PCDHGA5: variants seen among roughly 807,000 people sequenced by gnomAD.
The protein encoded by PCDHGA5 is protocadherin gamma-A5.
A neutral mutation model predicts 56.7 loss-of-function variants in PCDHGA5; 36 were observed. The ratio of observed to expected loss-of-function variants is 0.64; its 90% CI spans 0.49 to 0.84. PCDHGA5 has a LOEUF of 0.84. Among genes scored for constraint, PCDHGA5 ranks in the 40% least tolerant of loss-of-function variants. PCDHGA5 has a pLI of 0.00. For missense variants in PCDHGA5, 1,305 were observed against 1,201.5 expected (o/e 1.09, Z -1.27); for synonymous variants, 563 against 520.2 (o/e 1.08, Z -1.12).
intron 1 of PCDHGA5, chr5:141,372,748 C>A: frequency 1.1e-5 from 17 of 1,613,132 alleles, no homozygotes; most frequent in Non-Finnish European, 1.4e-5. Flanking sequence ...TGTGATGAAG[C>A]CTCTTGGTTT....
intron 2 of PCDHGA5, among the ~76,000 whole-genome samples, chr5:141,496,040 AT>A (rs2099765531): frequency 1.3e-5 from 2 of 150,356 alleles, no homozygotes; most frequent in Admixed American, 6.6e-5. Flanking sequence ...TCTGTCTCTC[AT>A]TTTTTTGTGC....
At chr5:141,421,159 C>G (rs2096549842) in intron 1 of PCDHGA5, 3 of 1,236,898 alleles carry the variant, frequency 2.4e-6, no homozygotes. Flanking sequence ...CCTAGGACTT[C>G]ATAGATACAT....
chr5:141,371,971 G>T lies in PCDHGA5; in HGVS notation c.2421+5220G>T, dbSNP rs372239619. 1.2e-6 allele frequency: 2 copies of T among 1,612,320 alleles called. No individual in the cohort carries two copies. The highest frequency in any genetic ancestry group is 3.3e-5 in the Admixed American group (2 of 59,994). The stretch of plus-strand genomic sequence containing the variant: ...CGAGCCTTCGACCACGAGCAGCTGC[G>T]TGCCTTCGAGCTCACTCTGCAGGCC... On this transcript the variant is annotated intron_variant, in intron 1 of 3. Transcript: ENST00000518069.
chr5:141,372,754 G>A (rs201408759), intron 1 of PCDHGA5: 907 of 1,612,900 alleles, frequency 5.6e-4, no homozygotes, highest in Non-Finnish European at 7.2e-4. Flanking sequence ...GAAGCCTCTT[G>A]GTTTGAAAGT....
chr5:141,500,400 G>A (rs2099799942), intron 2 of PCDHGA5, among the ~76,000 whole-genome samples: 1 of 151,666 alleles, frequency 6.6e-6, no homozygotes, highest in East Asian at 1.9e-4. Context: ...TAGTAGAGAC[G>A]GGGTTTCACC....
chr5:141,413,838 G>A, intron 1 of PCDHGA5: 1 of 1,613,284 alleles, frequency 6.2e-7, no homozygotes, highest in Non-Finnish European at 8.5e-7. Context: ...CCTCCGACGG[G>A]GGTGACCCTC....
intron 1 of PCDHGA5, chr5:141,414,230 CCAT>C: frequency 6.2e-7 from 1 of 1,613,308 alleles, no homozygotes; most frequent in Non-Finnish European, 8.5e-7. Context: ...CCAGAGCTGA[CCAT>C]CACGTCTCTA....
Position 141,493,701 on chromosome 5 carries a change from C to G in PCDHGA5, c.2422-1106C>G, listed in dbSNP as rs2099749680. 6.6e-6 allele frequency among the ~76,000 whole-genome samples: 1 copy of G among 152,172 alleles called. No homozygotes were observed. Among genetic ancestry groups the G allele is most frequent in the Admixed American group, 6.5e-5 (1 of 15,286 alleles). On this transcript the variant is annotated intron_variant, in intron 1 of 3. Coordinates refer to ENST00000518069, the MANE Select transcript of PCDHGA5 (RefSeq NM_018918.3). This position sits in a 1 kb window ranked among gnomAD's most constrained non-coding sequence, Gnocchi z 4.3. Reference sequence around the variant, plus strand: ...ATGGTGCTGGTGACTCCCGATACACCTGGAATGCTAGGTTTCTGGGTTCTG... The same window carrying G: ...ATGGTGCTGGTGACTCCCGATACACGTGGAATGCTAGGTTTCTGGGTTCTG...
chr5:141,405,390 T>C (rs1561700240), intron 1 of PCDHGA5: 1 of 1,600,118 alleles, frequency 6.2e-7, no homozygotes, highest in South Asian at 1.1e-5. Context: ...AGTTCATTTT[T>C]TTTCTTTCTT....
intron 1 of PCDHGA5, chr5:141,370,596 G>C: frequency 6.2e-7 from 1 of 1,613,936 alleles, no homozygotes; most frequent in Non-Finnish European, 8.5e-7. Flanking sequence ...GAACCTGCGG[G>C]TTATTGCAGA....
intron 2 of PCDHGA5, among the ~76,000 whole-genome samples, chr5:141,504,859 C>T (rs1396681670): frequency 6.6e-6 from 1 of 152,090 alleles, no homozygotes; most frequent in African/African-American, 2.4e-5. Context: ...TCTTCCATTT[C>T]CCACCTTCAC....
chr5:141,489,300 C>A lies in PCDHGA5; in HGVS notation c.2422-5507C>A. On this transcript the variant is annotated intron_variant, in intron 1 of 3. Coordinates refer to ENST00000518069, the MANE Select transcript of PCDHGA5 (RefSeq NM_018918.3). The surrounding 1 kb of genome is among the most constrained non-coding windows in gnomAD (Gnocchi z 4.5). ...AATGGCAAGTGCTGTGCATGTTGTC[C>A]TTGTGCTGCTGGGGCTGGGTGTCTG... 1 of 1,585,698 alleles carries A rather than the reference C, an allele frequency of 6.3e-7. No homozygotes were observed. Among genetic ancestry groups the A allele is most frequent in the South Asian group, 1.2e-5 (1 of 85,012 alleles).
chr5:141,396,134 A>G (rs970824771), intron 1 of PCDHGA5: 1 of 152,226 alleles, frequency 6.6e-6, no homozygotes, highest in East Asian at 1.9e-4. Context: ...CACAAGTTCT[A>G]AATAAGCTGA....
chr5:141,505,190 G>A (rs1326515866), intron 2 of PCDHGA5, among the ~76,000 whole-genome samples: 1 of 152,186 alleles, frequency 6.6e-6, no homozygotes, highest in East Asian at 1.9e-4. Flanking sequence ...ATCGGAGGCA[G>A]CAAAGAGCTG....
At chr5:141,409,546 C>G in intron 1 of PCDHGA5, 1 of 1,613,998 alleles carries the variant, frequency 6.2e-7, no homozygotes, top group Non-Finnish European at 8.5e-7. Flanking sequence ...TCAACGACAA[C>G]GCCCCAGTTT....
At chr5:141,375,106 T>C in intron 1 of PCDHGA5, 1 of 1,613,952 alleles carries the variant, frequency 6.2e-7, no homozygotes, top group East Asian at 2.2e-5. Context: ...TGGATGTCAA[T>C]GATAATGTAC....
At chr5:141,419,667 G>T in intron 1 of PCDHGA5, 1 of 1,612,894 alleles carries the variant, frequency 6.2e-7, no homozygotes, top group South Asian at 1.1e-5. Flanking sequence ...CACAATGCCT[G>T]GCTGTCCTAC....
In PCDHGA5 at chr5:141,367,963, G is replaced by A. The variant is rs983677753; in HGVS notation, c.2421+1212G>A. Among the ~76,000 whole-genome samples the A allele has an allele frequency of 1.4e-4, 21 of 152,110 alleles. 1 individual carries two copies. The South Asian group carries it at 4.2e-3, about 30-fold the overall frequency. On this transcript the variant is annotated intron_variant, in intron 1 of 3. Coordinates refer to ENST00000518069, the MANE Select transcript of PCDHGA5 (RefSeq NM_018918.3). ...CAAAATTTTAAATTTCATATCTAAC[G>A]TATGTGCTCATCTTAAATTAATAGA...
Position 141,375,135 on chromosome 5 carries a change from C to T in PCDHGA5, c.2421+8384C>T, listed in dbSNP as rs757101411. The T allele has an allele frequency of 3.7e-6, 6 of 1,613,924 alleles. No homozygotes were observed. In the East Asian group the frequency reaches 1.3e-4, roughly 36 times the overall value. ...AATGTACCAGAAGTGGTTGTTACATCTGGAAGCAGAACAATTGCTGAAAGT... is the reference window on the plus strand; with the variant it reads ...AATGTACCAGAAGTGGTTGTTACATTTGGAAGCAGAACAATTGCTGAAAGT... On this transcript the variant is annotated intron_variant, in intron 1 of 3. Coordinates refer to ENST00000518069, the MANE Select transcript of PCDHGA5 (RefSeq NM_018918.3).
Sources: gnomAD v4.1 joint callset for allele counts (sites outside exome capture counted in the v4.1 genomes callset) on GRCh38, gnomAD v4.1.1 for gene constraint, Gnocchi (gnomAD v3.1) non-coding constraint, MANE v1.5 for transcripts, NCBI Gene and HGNC (gene_info 2026-07-23, HGNC 2026-07-21) for gene names.